PRSS12: variants seen among roughly 807,000 people sequenced by gnomAD.
PRSS12 encodes the protein serine protease 12.
A neutral mutation model predicts 104.4 loss-of-function variants in PRSS12; 85 were observed. That is an observed-to-expected ratio of 0.81 (90% CI 0.68 to 0.98). The LOEUF (loss-of-function observed/expected upper bound fraction) is 0.98. Ranked by LOEUF, PRSS12 falls within the 50% of genes least tolerant of loss-of-function variation. The pLI is 0.00. For synonymous variants in PRSS12, 454 were observed against 425.2 expected (o/e 1.07, Z -0.83); for missense variants, 1,141 against 1,139.2 (o/e 1.00, Z -0.02).
chr4:118,313,137 C>T (rs777817318), intron 7 of PRSS12, 64 bp downstream of exon 7: 231 of 1,580,030 alleles, frequency 1.5e-4, no homozygotes, highest in Non-Finnish European at 1.9e-4. Context: ...ATATTCAAGG[C>T]CAGTGGTTAG....
intron 8 of PRSS12, among the ~76,000 whole-genome samples, chr4:118,304,912 C>G (rs1478318730): frequency 2.6e-5 from 4 of 151,888 alleles, no homozygotes; most frequent in African/African-American, 9.7e-5. Context: ...GACTAATCCT[C>G]ATGCATCATA....
At position 118,282,833 on chromosome 4, in the gene PRSS12, G is replaced by C; in HGVS notation, c.2318C>G (p.Thr773Arg). The C allele has an allele frequency of 6.2e-7, 1 of 1,614,088 alleles. No individual in the cohort carries two copies. Reference sequence around the variant, plus strand: ...TGCTTTTTTTGATTATGCCTTACCTGTGTCACCCCATCCTGTTATGTAACA... The same window carrying C: ...TGCTTTTTTTGATTATGCCTTACCTCTGTCACCCCATCCTGTTATGTAACA... Reference protein sequence around the residue: ...SNCYITGWGDTGRAYSRTLQQ... With the variant: ...SNCYITGWGDRGRAYSRTLQQ... The change falls in exon 12 of 13, where the codon ACA becomes AGA. Residue 773 changes from threonine to arginine, a missense_variant and splice_region_variant. Transcript: ENST00000296498.
Position 118,352,864 on chromosome 4 carries a change from C to T in PRSS12, c.-144G>A. 1.4e-6 allele frequency: 2 copies of T among 1,441,150 alleles called. No homozygotes were observed. Among genetic ancestry groups the T allele is most frequent in the Non-Finnish European group, 1.8e-6 (2 of 1,098,896 alleles). 89.3% of individuals were successfully genotyped at this position (1,441,150 alleles called of 1,614,324 possible). On this transcript the variant is annotated 5_prime_UTR_variant, in exon 1 of 13. Coordinates refer to ENST00000296498, the MANE Select transcript of PRSS12 (RefSeq NM_003619.4). Reference sequence around the variant, plus strand: ...CCCGCACGCGGACCGCCCTCGCCTCCCCAACCTTGCCTCCCGCCGCTGGTG... The same window carrying T: ...CCCGCACGCGGACCGCCCTCGCCTCTCCAACCTTGCCTCCCGCCGCTGGTG...
At chr4:118,323,125 C>A (rs757379225) in intron 4 of PRSS12, among the ~76,000 whole-genome samples, 12 of 151,912 alleles carry the variant, frequency 7.9e-5, no homozygotes, top group Admixed American at 4.6e-4. Context: ...TTTGCAGACC[C>A]CTGCTCTAGA....
At chr4:118,343,006 T>C (rs6854766) in intron 1 of PRSS12, among the ~76,000 whole-genome samples, 85,215 of 152,034 alleles carry the variant, frequency 0.56, 25,159 homozygotes, top group Admixed American at 0.72. Flanking sequence ...TTAACCATCT[T>C]ATCAGTCTCA....
At chr4:118,313,112 G>A (rs532592140) in intron 7 of PRSS12, 89 bp downstream of exon 7, 117 of 1,502,246 alleles carry the variant, frequency 7.8e-5, no homozygotes, top group Non-Finnish European at 1.1e-4. Context: ...AAAAGCCAAA[G>A]ATGAGAAACA....
chr4:118,352,657 C>T lies in PRSS12; in HGVS notation c.64G>A (p.Asp22Asn). The T allele has an allele frequency of 5.6e-6, 9 of 1,613,374 alleles. No homozygotes were observed. Among genetic ancestry groups the T allele is most frequent in the Non-Finnish European group, 7.6e-6 (9 of 1,179,602 alleles). ...TGGAGGGAATCATTGAGGACAGAAT[C>T]AAAGCCGACCACTTCGGGGAGCGCC... ...LGALPEVVGF[D>N]SVLNDSLHHS... The change falls in exon 1 of 13, where the codon GAT becomes AAT. Residue 22 changes from aspartate to asparagine, a missense_variant. Coordinates refer to ENST00000296498, the MANE Select transcript of PRSS12 (RefSeq NM_003619.4).
intron 4 of PRSS12, among the ~76,000 whole-genome samples, chr4:118,321,778 G>C (rs1723631639): frequency 6.6e-6 from 1 of 152,146 alleles, no homozygotes; most frequent in Non-Finnish European, 1.5e-5. Flanking sequence ...GGTAAGGAAG[G>C]GAGAATCAAT....
rs768370790 is a variant in PRSS12, at chr4:118,316,837, A to AT, written c.1151-515_1151-514insA. Among the ~76,000 whole-genome samples, 529 of 99,178 alleles carry AT rather than the reference A, an allele frequency of 5.3e-3. 6 individuals carry two copies. The highest frequency in any genetic ancestry group is 0.017 in the African/African-American group (499 of 28,884). 65.1% of individuals were successfully genotyped at this position (99,178 alleles called of 152,430 possible). Reference sequence around the variant, plus strand: ...ACTCCGTCTCACGGAAAAAAAAAAAAATATATATATATATATATATCTTTC... The same window carrying AT: ...ACTCCGTCTCACGGAAAAAAAAAAAATATATATATATATATATATATCTTTC... On this transcript the variant is annotated intron_variant, in intron 5 of 12. Transcript: ENST00000296498.
chr4:118,284,161 T>A (rs938455564), intron 11 of PRSS12, among the ~76,000 whole-genome samples: 1 of 152,174 alleles, frequency 6.6e-6, no homozygotes, highest in East Asian at 1.9e-4. Flanking sequence ...AGGGCTGTCC[T>A]GTGCATTATA....
intron 1 of PRSS12, among the ~76,000 whole-genome samples, chr4:118,340,049 T>C (rs1470430905): frequency 1.3e-5 from 2 of 152,238 alleles, no homozygotes; most frequent in Non-Finnish European, 2.9e-5. Flanking sequence ...TTTAAAATAG[T>C]GTCTACATCA....
chr4:118,338,633 G>A (rs1724120837), intron 1 of PRSS12, among the ~76,000 whole-genome samples: 1 of 151,978 alleles, frequency 6.6e-6, no homozygotes, highest in Non-Finnish European at 1.5e-5. Flanking sequence ...TTTTCAAAGG[G>A]GGAAAAAGTG....
intron 8 of PRSS12, chr4:118,306,117 T>C (rs1373571407): frequency 1.3e-5 from 2 of 152,194 alleles, no homozygotes; most frequent in Admixed American, 6.5e-5. Flanking sequence ...TTTTAACTTT[T>C]TGAGGAACTG....
At chr4:118,313,543 TA>T (rs34174203) in intron 6 of PRSS12, 146 bp from the exon 7 acceptor site, 62,837 of 849,060 alleles carry the variant, frequency 0.074, 2,865 homozygotes, top group Non-Finnish European at 0.091. Flanking sequence ...GGACGCAGTT[TA>T]GAGCTATGTT....
intron 1 of PRSS12, among the ~76,000 whole-genome samples, chr4:118,338,816 T>C (rs1476728342): frequency 1.3e-5 from 2 of 152,220 alleles, no homozygotes; most frequent in Non-Finnish European, 2.9e-5. Flanking sequence ...TATCTTCCAT[T>C]TGATTTGTTC....
intron 1 of PRSS12, among the ~76,000 whole-genome samples, chr4:118,345,996 C>T (rs1294669941): frequency 1.3e-5 from 2 of 152,130 alleles, no homozygotes; most frequent in Non-Finnish European, 2.9e-5. Context: ...AACATGTGAT[C>T]CAGTCTGGGC....
intron 1 of PRSS12, among the ~76,000 whole-genome samples, chr4:118,341,052 G>A (rs957915737): frequency 6.6e-6 from 1 of 152,138 alleles, no homozygotes; most frequent in Non-Finnish European, 1.5e-5. Flanking sequence ...CAGAAAGCTG[G>A]GACATGAGGG....
At chr4:118,318,198 T>A (rs1197625943) in intron 5 of PRSS12, among the ~76,000 whole-genome samples, 180 bp downstream of exon 5, 1 of 152,212 alleles carries the variant, frequency 6.6e-6, no homozygotes, top group Non-Finnish European at 1.5e-5. Flanking sequence ...AATTCAGGAA[T>A]AACTATGAAT....
rs994710034 is a variant in PRSS12 at position 118,352,505 on chromosome 4, G to T, written c.216C>A (p.Leu72=). 41 of 1,436,618 alleles carry T rather than the reference G, an allele frequency of 2.9e-5. No individual in the cohort carries two copies. Among genetic ancestry groups the T allele is most frequent in the Non-Finnish European group, 3.7e-5 (40 of 1,094,146 alleles). 89.0% of individuals were successfully genotyped at this position (1,436,618 alleles called of 1,614,324 possible). ...GGAGGGCGTGCGGGCGCTGGGCAGG[G>T]AGCGCCCGCGGGGGGCGCGGGAAGC... The part of the protein sequence containing the change: ...LPRFPRPPRA[L]PAQRPHALQA... Residue 72 remains leucine (L), a synonymous_variant, in exon 1 of 13, where the codon CTC becomes CTA. Coordinates refer to ENST00000296498, the MANE Select transcript of PRSS12 (RefSeq NM_003619.4).
Sources: allele counts gnomAD v4.1 joint callset (sites outside exome capture counted in the v4.1 genomes callset), GRCh38; gene constraint gnomAD v4.1.1; transcripts MANE v1.5; gene names NCBI Gene and HGNC (gene_info 2026-07-23, HGNC 2026-07-21).